The following SPIDR variants were observed in gnomAD, a reference collection of about 807,000 sequenced individuals.
SPIDR encodes DNA repair-scaffolding protein.
Under a neutral mutation model 104.6 loss-of-function variants are expected in SPIDR, and 93 were observed. That is an observed-to-expected ratio of 0.89 (90% CI 0.75 to 1.06). The LOEUF is 1.06. Among genes scored for constraint, SPIDR ranks in the 50% least tolerant of loss-of-function variants. The pLI, the probability that SPIDR is intolerant of heterozygous loss-of-function variation, is 0.00. For missense variants in SPIDR, 1,154 were observed against 1,111.2 expected, an observed-to-expected ratio of 1.04 and a Z score of -0.55; for synonymous variants, 431 against 416.9, an observed-to-expected ratio of 1.03 and a Z score of -0.41.
At chr8:47,290,885 A>C in intron 3 of SPIDR, 148 bp from the exon 4 acceptor site, 1 of 490,810 alleles carries the variant, frequency 2.0e-6, no homozygotes, top group East Asian at 3.1e-5. Flanking sequence ...GTAGAACTTT[A>C]GGTAGGAAGA....
At chr8:47,471,324 T>TCA (rs2075673519) in intron 8 of SPIDR, among the ~76,000 whole-genome samples, 2 of 87,546 alleles carry the variant, frequency 2.3e-5, no homozygotes, top group Admixed American at 2.6e-4. Flanking sequence ...TAATTCAATG[T>TCA]CAAAAAAAAA....
At chr8:47,311,152 T>C (rs1563565986) in intron 5 of SPIDR, among the ~76,000 whole-genome samples, 1 of 152,150 alleles carries the variant, frequency 6.6e-6, no homozygotes, top group Non-Finnish European at 1.5e-5. Flanking sequence ...GAAAATTCTA[T>C]AGGTAAAAAA....
At chr8:47,618,691 A>C (rs2064702626) in intron 10 of SPIDR, among the ~76,000 whole-genome samples, 1 of 152,194 alleles carries the variant, frequency 6.6e-6, no homozygotes, top group Admixed American at 6.5e-5. Context: ...ACTTTGAGGT[A>C]AGAACAGCTG....
intron 10 of SPIDR, among the ~76,000 whole-genome samples, chr8:47,644,074 C>T (rs1367330317): frequency 6.6e-6 from 1 of 152,216 alleles, no homozygotes; most frequent in Non-Finnish European, 1.5e-5. Flanking sequence ...CTGCATTCCA[C>T]CCTCAGTCTA....
At chr8:47,330,664 T>C in intron 5 of SPIDR, 1 of 424,814 alleles carries the variant, frequency 2.4e-6, no homozygotes, top group Admixed American at 2.6e-5. Context: ...TGAACTTTCC[T>C]CCATGTCTTT....
chr8:47,401,675 G>A (rs1449276889), intron 6 of SPIDR, among the ~76,000 whole-genome samples: 3 of 152,110 alleles, frequency 2.0e-5, no homozygotes, highest in Non-Finnish European at 2.9e-5. Context: ...AAAAGCAGGG[G>A]TTGCAATCCT....
At chr8:47,615,639 T>A (rs879567472) in intron 10 of SPIDR, among the ~76,000 whole-genome samples, 1 of 151,964 alleles carries the variant, frequency 6.6e-6, no homozygotes, top group Non-Finnish European at 1.5e-5. Context: ...AATGGACATC[T>A]CCACTAAACC....
At chr8:47,418,595 G>A (rs997037647) in intron 7 of SPIDR, among the ~76,000 whole-genome samples, 3 of 152,042 alleles carry the variant, frequency 2.0e-5, no homozygotes, top group Admixed American at 2.0e-4. Context: ...TGTTTTCCTA[G>A]TTGAATACCC....
At chr8:47,432,038 T>C (rs1554689676) in intron 7 of SPIDR, among the ~76,000 whole-genome samples, 1 of 152,206 alleles carries the variant, frequency 6.6e-6, no homozygotes, top group East Asian at 1.9e-4. Flanking sequence ...TGGCATCTTA[T>C]AAGATTTACT....
intron 8 of SPIDR, among the ~76,000 whole-genome samples, chr8:47,455,211 T>C (rs1309188927): frequency 1.3e-5 from 2 of 152,136 alleles, no homozygotes; most frequent in East Asian, 1.9e-4. Flanking sequence ...TATAAAGATA[T>C]AGTCTGTGAC....
At chr8:47,735,031 G>C (rs1409193931) in intron 19 of SPIDR, among the ~76,000 whole-genome samples, 1 of 152,124 alleles carries the variant, frequency 6.6e-6, no homozygotes, top group Non-Finnish European at 1.5e-5. Context: ...CGTGTCCCAA[G>C]TAAAAACAAT....
intron 8 of SPIDR, among the ~76,000 whole-genome samples, chr8:47,585,126 T>C (rs751262204): frequency 6.6e-6 from 1 of 152,214 alleles, no homozygotes; most frequent in Non-Finnish European, 1.5e-5. Context: ...TAATTAATCA[T>C]ATGCCTCCGT....
chr8:47,493,624 G>T (rs1006426057), intron 8 of SPIDR, among the ~76,000 whole-genome samples: 1 of 152,204 alleles, frequency 6.6e-6, no homozygotes. Context: ...TCTGGAGCCT[G>T]GGAGAGGCCC....
In SPIDR at chr8:47,601,000, C is replaced by G. The variant is rs542576632; in HGVS notation, c.1544+1804C>G. Among the ~76,000 whole-genome samples, 4 of 152,292 alleles carry G rather than the reference C, an allele frequency of 2.6e-5. No homozygotes were observed. The South Asian group carries it at 8.3e-4, about 32-fold the overall frequency. On this transcript the variant is annotated intron_variant, in intron 10 of 19. Transcript: ENST00000297423. ...AGGTCCTTCAGTGGTACTTGTTTTA[C>G]TTGTTTAGCAAAGAGAGAAAAACTA...
Position 47,471,337 on chromosome 8 carries a change from A to G in SPIDR, c.1097+30795A>G, listed in dbSNP as rs532306472. 3.3e-5 allele frequency among the ~76,000 whole-genome samples: 5 copies of G among 152,178 alleles called. No individual in the cohort carries two copies. In the East Asian group the frequency reaches 9.6e-4, roughly 29 times the overall value. On this transcript the variant is annotated intron_variant, in intron 8 of 19. Coordinates refer to ENST00000297423, the MANE Select transcript of SPIDR (RefSeq NM_001080394.4). ...TATAATTCAATGTCAAAAAAAAAAA[A>G]AAAAACAGCCCAGTTCAAAAATGAG... is the stretch of plus-strand genomic sequence containing the variant.
chr8:47,483,393 C>A (rs1360331120), intron 8 of SPIDR, among the ~76,000 whole-genome samples: 2 of 152,128 alleles, frequency 1.3e-5, no homozygotes, highest in Non-Finnish European at 2.9e-5. Flanking sequence ...TCTGTCCACA[C>A]CCCAAACAGG....
At chr8:47,327,222 G>A (rs185377342) in intron 5 of SPIDR, among the ~76,000 whole-genome samples, 15 of 152,192 alleles carry the variant, frequency 9.9e-5, no homozygotes, top group Admixed American at 8.5e-4. Context: ...GTTTCATGTG[G>A]TGGTTGGTGA....
intron 5 of SPIDR, among the ~76,000 whole-genome samples, chr8:47,296,009 T>TTTAATCTGCATTTC: frequency 6.6e-6 from 1 of 152,228 alleles, no homozygotes; most frequent in Non-Finnish European, 1.5e-5. Flanking sequence ...TCATTGTGGC[T>TTTAATCTGCATTTC]TTAATCTGCA....
At chr8:47,582,165 C>T (rs781671773) in intron 8 of SPIDR, among the ~76,000 whole-genome samples, 15 of 150,630 alleles carry the variant, frequency 1.0e-4, no homozygotes, top group Non-Finnish European at 2.2e-4. Context: ...TGCGGTGAGC[C>T]GCCAAGATTG....
Sources: gnomAD v4.1 joint callset for allele counts (sites outside exome capture counted in the v4.1 genomes callset) on GRCh38, gnomAD v4.1.1 for gene constraint, MANE v1.5 for transcripts, NCBI Gene and HGNC (gene_info 2026-07-23, HGNC 2026-07-21) for gene names.